Variants in RALY observed in about 807,000 individuals in gnomAD.
RALY encodes RALY heterogeneous nuclear ribonucleoprotein.
In RALY, 15 loss-of-function variants were observed where a neutral mutation model predicts 30.7. The ratio of observed to expected loss-of-function variants is 0.49; its 90% CI spans 0.33 to 0.75. The LOEUF (loss-of-function observed/expected upper bound fraction) is 0.75. Among genes scored for constraint, RALY ranks in the 30% least tolerant of loss-of-function variants. The probability of loss-of-function intolerance (pLI) is 0.02; values close to 1 mark genes in which losing one functional copy is unlikely to be tolerated. For missense variants in RALY, 339 were observed against 414.3 expected, an observed-to-expected ratio of 0.82 and a Z score of 1.58; for synonymous variants, 177 against 170.8, an observed-to-expected ratio of 1.04 and a Z score of -0.28.
intron 2 of RALY, among the ~76,000 whole-genome samples, chr20:34,046,085 T>A (rs559607933): frequency 2.6e-5 from 4 of 152,350 alleles, no homozygotes. Context: ...ATTTACTGTT[T>A]GATTCAGGCC....
intron 2 of RALY, among the ~76,000 whole-genome samples, chr20:34,051,111 A>G (rs2033063891): frequency 6.6e-6 from 1 of 152,204 alleles, no homozygotes; most frequent in African/African-American, 2.4e-5. Context: ...GATGTTTCAA[A>G]TGCCCCTAAT....
chr20:34,054,401 G>C (rs2033175111), intron 2 of RALY, among the ~76,000 whole-genome samples: 1 of 152,228 alleles, frequency 6.6e-6, no homozygotes, highest in Admixed American at 6.5e-5. Context: ...TCTGGGTCCA[G>C]AGGAGTGAGT....
chr20:34,062,255 A>G (rs1461652201), intron 2 of RALY, among the ~76,000 whole-genome samples: 1 of 152,008 alleles, frequency 6.6e-6, no homozygotes, highest in Non-Finnish European at 1.5e-5. Context: ...GGCTCCTTTT[A>G]CTCTCTACTT....
At chr20:34,037,445 G>A (rs78347405) in intron 2 of RALY, among the ~76,000 whole-genome samples, 12 of 152,150 alleles carry the variant, frequency 7.9e-5, no homozygotes, top group Non-Finnish European at 1.3e-4. Flanking sequence ...AGTGGCTTTT[G>A]GGGGACCATT....
At chr20:34,078,633 GA>G in intron 9 of RALY, 80 bp downstream of exon 9, 1 of 1,329,526 alleles carries the variant, frequency 7.5e-7, no homozygotes, top group Non-Finnish European at 1.0e-6. Context: ...GATTGGGCAG[GA>G]AGTGTCACGA....
In RALY at chr20:34,084,512, C is replaced by T. The variant is rs1383593413; in HGVS notation, c.*4607C>T. 6.6e-6 allele frequency: 1 copy of T among 152,238 alleles called. No individual in the cohort carries two copies. The highest frequency in any genetic ancestry group is 1.5e-5 in the Non-Finnish European group (1 of 68,050). 9.4% of individuals were successfully genotyped at this position (152,238 alleles called of 1,614,324 possible). A position where few individuals can be genotyped will look rare whatever the true frequency, so the allele number is the denominator to read the frequency against. ...TAGATGAGGTTTAAAAGCATGGCCC[C>T]AAGTAAAGGTGGCATCTCTATCCTA... is the stretch of plus-strand genomic sequence containing the variant. On this transcript the variant is annotated 3_prime_UTR_variant, in exon 10 of 10. Coordinates refer to ENST00000246194, the MANE Select transcript of RALY (RefSeq NM_016732.3).
chr20:34,073,763 A>C lies in RALY; in HGVS notation c.330-56A>C, dbSNP rs1384975508. 1.9e-6 allele frequency: 3 copies of C among 1,587,648 alleles called. No homozygotes were observed. In the Admixed American group the frequency reaches 5.0e-5, roughly 26 times the overall value. On this transcript the variant is annotated intron_variant, in intron 4 of 9. Transcript: ENST00000246194. Reference sequence around the variant, plus strand: ...GGTGTCTGGAGATGAGGGCCTGTGGAAAGTGGGCTGAGTGGCCGTCCCTAA... The same window carrying C: ...GGTGTCTGGAGATGAGGGCCTGTGGCAAGTGGGCTGAGTGGCCGTCCCTAA...
At chr20:33,997,581 C>A (rs564226054) in intron 1 of RALY, among the ~76,000 whole-genome samples, 1 of 152,276 alleles carries the variant, frequency 6.6e-6, no homozygotes, top group Non-Finnish European at 1.5e-5. Flanking sequence ...AGTAGATCAC[C>A]TTTATGAAAT....
chr20:34,073,829 T>C lies in RALY; in HGVS notation c.340T>C (p.Phe114Leu). 6.2e-7 allele frequency: 1 copy of C among 1,614,142 alleles called. No homozygotes were observed. Among genetic ancestry groups the C allele is most frequent in the East Asian group, 2.2e-5 (1 of 44,874 alleles). ...AASAIYSGYIFDYDYYRDDFY... is the reference protein window; with the variant it reads ...AASAIYSGYILDYDYYRDDFY... ...CCTTTGTTTCCCCAGTGGCTACATC[T>C]TTGACTATGATTACTACCGGGACGA... is the stretch of plus-strand genomic sequence containing the variant. The change falls in exon 5 of 10, where the codon TTT (phenylalanine) becomes CTT (leucine). Residue 114 changes from phenylalanine (F) to leucine (L), a missense_variant. Physicochemically the swap from Phe to Leu is conservative, Grantham distance 22. Around this residue, in one of 2 missense-constraint regions of RALY, gnomAD observed 268 missense variants for 280.6 expected, o/e 0.95. Coordinates refer to ENST00000246194, the MANE Select transcript of RALY (RefSeq NM_016732.3).
chr20:34,080,526 G>A lies in RALY; in HGVS notation c.*621G>A, dbSNP rs991497996. The A allele has an allele frequency of 3.3e-5, 5 of 152,196 alleles. No homozygotes were observed. Among genetic ancestry groups the A allele is most frequent in the African/African-American group, 9.7e-5 (4 of 41,418 alleles). The allele number at this position is 152,196 out of a possible 1,614,324, so 9.4% of individuals were successfully genotyped here. ...CCTTATCTCTTTCCCCAGCTTCTAAGTCTGGTCTTTCCCAGCTCTTAAAAG... is the reference window on the plus strand; with the variant it reads ...CCTTATCTCTTTCCCCAGCTTCTAAATCTGGTCTTTCCCAGCTCTTAAAAG... On this transcript the variant is annotated 3_prime_UTR_variant, in exon 10 of 10. Transcript: ENST00000246194.
intron 1 of RALY, among the ~76,000 whole-genome samples, chr20:34,016,804 G>A (rs938842086): frequency 3.3e-5 from 5 of 152,250 alleles, no homozygotes; most frequent in African/African-American, 1.2e-4. Context: ...GCCTGGGGCG[G>A]GGCATTTTAG....
At chr20:34,056,525 A>G (rs1319753291) in intron 2 of RALY, among the ~76,000 whole-genome samples, 1 of 152,202 alleles carries the variant, frequency 6.6e-6, no homozygotes, top group East Asian at 1.9e-4. Flanking sequence ...CTGTAGTTTT[A>G]TACAGTGTCT....
intron 1 of RALY, among the ~76,000 whole-genome samples, chr20:34,022,345 T>C (rs929054657): frequency 4.6e-5 from 7 of 152,152 alleles, no homozygotes; most frequent in African/African-American, 1.4e-4. Flanking sequence ...TAGTATGAGT[T>C]GAGAAGTTGG....
intron 2 of RALY, among the ~76,000 whole-genome samples, chr20:34,047,309 G>A (rs1345830665): frequency 6.6e-6 from 1 of 152,170 alleles, no homozygotes; most frequent in African/African-American, 2.4e-5. Flanking sequence ...TGGGTGCATG[G>A]GAGCCATTAG....
intron 1 of RALY, among the ~76,000 whole-genome samples, chr20:34,008,529 T>TG (rs2031263062): frequency 1.3e-5 from 2 of 152,222 alleles, no homozygotes; most frequent in South Asian, 4.1e-4. Flanking sequence ...GGGAAGTCCT[T>TG]GGGGCACTCT....
chr20:34,029,630 A>G (rs886190241), intron 1 of RALY, among the ~76,000 whole-genome samples: 10 of 152,078 alleles, frequency 6.6e-5, no homozygotes, highest in African/African-American at 1.7e-4. Context: ...TTTGGAGTCT[A>G]AGTACCCCGG....
intron 1 of RALY, among the ~76,000 whole-genome samples, chr20:34,022,727 G>A (rs1343790129): frequency 6.6e-6 from 1 of 152,134 alleles, no homozygotes; most frequent in Non-Finnish European, 1.5e-5. Context: ...TGAGTTTTAA[G>A]CTCATTTCTG....
At chr20:34,035,178 A>C (rs960235402) in intron 2 of RALY, among the ~76,000 whole-genome samples, 5 of 142,582 alleles carry the variant, frequency 3.5e-5, no homozygotes, top group South Asian at 2.1e-4. Flanking sequence ...AAAAAAAAAA[A>C]AAAAAAAAAC....
intron 3 of RALY, among the ~76,000 whole-genome samples, chr20:34,073,301 C>CG (rs913426460): frequency 3.3e-4 from 49 of 148,480 alleles, no homozygotes; most frequent in African/African-American, 9.0e-4. Flanking sequence ...TGTGGTGGGG[C>CG]GGGGGGGAGG....
Sources: gnomAD v4.1 joint callset for allele counts (sites outside exome capture counted in the v4.1 genomes callset) on GRCh38, gnomAD v4.1.1 for gene constraint, gnomAD v4.1.1 regional missense constraint, MANE v1.5 for transcripts, NCBI Gene and HGNC (gene_info 2026-07-23, HGNC 2026-07-21) for gene names.